The following ABCA2 variants were observed in gnomAD, a reference collection of about 807,000 sequenced individuals.
The protein encoded by ABCA2 is ATP binding cassette subfamily A member 2.
Under a neutral mutation model 262.8 loss-of-function variants are expected in ABCA2, and 84 were observed. The ratio of observed to expected loss-of-function variants is 0.32; its 90% CI spans 0.27 to 0.38. The LOEUF (loss-of-function observed/expected upper bound fraction) is 0.38, where lower values mean the gene tolerates loss of function less well. ABCA2 is among the 10% of genes least tolerant of loss of function. The pLI is 1.00. For synonymous variants in ABCA2, 1,696 were observed against 1,502.9 expected (o/e 1.13, Z -2.97); for missense variants, 2,662 against 3,405.9 (o/e 0.78, Z 5.44).
chr9:137,015,308 G>C, intron 24 of ABCA2, 106 bp downstream of exon 24: 1 of 1,372,078 alleles, frequency 7.3e-7, no homozygotes, highest in South Asian at 1.4e-5. Context: ...GGCATCCTGG[G>C]CCCAGCGGGT....
At chr9:137,015,151 C>A in intron 24 of ABCA2, 54 bp from the exon 25 acceptor site, 9 of 1,517,816 alleles carry the variant, frequency 5.9e-6, no homozygotes, top group Non-Finnish European at 8.0e-6. Context: ...GGAGGAGGGA[C>A]CCCCAATGGG....
At chr9:137,020,164 A>AGG in intron 10 of ABCA2, 172 bp downstream of exon 10, 90 of 837,886 alleles carry the variant, frequency 1.1e-4, no homozygotes, top group Admixed American at 1.8e-4. Flanking sequence ...AGCTCCCGAA[A>AGG]GGAAAAGCGA....
chr9:137,022,246 G>T, intron 6 of ABCA2, 105 bp downstream of exon 6: 2 of 1,443,802 alleles, frequency 1.4e-6, no homozygotes, highest in Non-Finnish European at 1.8e-6. Context: ...GGTTCAGACG[G>T]TCTGGGCGTG....
intron 39 of ABCA2, 69 bp from the exon 40 acceptor site, chr9:137,010,806 G>A (rs1414980131): frequency 1.5e-5 from 23 of 1,507,588 alleles, no homozygotes; most frequent in Middle Eastern, 3.6e-4. Context: ...CACCAGCCTC[G>A]CATCCTCTGG....
At position 137,020,553 on chromosome 9, in the gene ABCA2, G is replaced by A. The variant is rs924572417; in HGVS notation, c.1266-58C>T. 1.9e-6 allele frequency: 3 copies of A among 1,546,032 alleles called. No homozygotes were observed. In the African/African-American group the frequency reaches 4.1e-5, roughly 21 times the overall value. On this transcript the variant is annotated intron_variant, in intron 9 of 48. Transcript: ENST00000341511. ...GTTAGGGGGCAGGGCCGCGAGAGTG[G>A]GAGGGGCATCGGGATGGGGCAGGAC...
rs372637160 is a variant in ABCA2 at position 137,023,854 on chromosome 9, G to A, written c.161-14C>T. 7.5e-4 allele frequency: 634 copies of A among 846,136 alleles called. 1 individual carries two copies. The highest frequency in any genetic ancestry group is 1.1e-3 in the Non-Finnish European group (558 of 489,406). The allele number at this position is 846,136 out of a possible 1,614,324, so 52.4% of individuals were successfully genotyped here. ...CTCACTTACAGACTGCATGCCAGCC[G>A]AGGACAAGAGACCATGCGGGGAGGG... On this transcript the variant is annotated splice_polypyrimidine_tract_variant and intron_variant, in intron 2 of 48. Transcript: ENST00000341511.
At chr9:137,009,217 GCCCCACTGCCCCAGT>G (rs1830943891) in intron 45 of ABCA2, 138 bp downstream of exon 45, 3 of 812,164 alleles carry the variant, frequency 3.7e-6, no homozygotes, top group African/African-American at 1.9e-5. Context: ...TCCTCCCCTG[GCCCCACTGCCCCAGT>G]CCCCCCAGCC....
Position 137,013,464 on chromosome 9 carries a change from T to C in ABCA2, c.4547A>G (p.Tyr1516Cys), listed in dbSNP as rs746722720. Residue 1516 changes from tyrosine to cysteine, a missense_variant, in exon 29 of 49, where the codon TAC (tyrosine) becomes TGC (cysteine). By Grantham distance (194) the Tyr-to-Cys change is radical. Coordinates refer to ENST00000341511, the MANE Select transcript of ABCA2 (RefSeq NM_001606.5). ...CTGCCCCCGCTGGAGGCCTCACCGG[T>C]ACTCGCGGCGCTCCTCGTTGGCGTA... is the stretch of plus-strand genomic sequence containing the variant. ...IPYANEERRE[Y>C]RLRLSPDASP... The C allele has an allele frequency of 1.2e-6, 2 of 1,602,750 alleles. No homozygotes were observed. Among genetic ancestry groups the C allele is most frequent in the African/African-American group, 1.3e-5 (1 of 74,812 alleles).
Position 137,014,995 on chromosome 9 carries a change from A to G in ABCA2, c.3800T>C (p.Leu1267Pro). Residue 1267 changes from leucine to proline, a missense_variant, in exon 25 of 49, where the codon CTG becomes CCG. Leu to Pro is a moderately conservative substitution (Grantham distance 98). Transcript: ENST00000341511. ...GAGCTCCGTGCTTGTGTCTGAGACCAGCAGGCAGGAGGCCACATGCTTGCG... is the reference window on the plus strand; with the variant it reads ...GAGCTCCGTGCTTGTGTCTGAGACCGGCAGGCAGGAGGCCACATGCTTGCG... ...FIRKHVASCLLVSDTSTELSY... is the reference protein window; with the variant it reads ...FIRKHVASCLPVSDTSTELSY... The G allele has an allele frequency of 6.3e-7, 1 of 1,595,316 alleles. No homozygotes were observed. Among genetic ancestry groups the G allele is most frequent in the Non-Finnish European group, 8.5e-7 (1 of 1,170,598 alleles).
rs1831717843 is a variant in ABCA2 at position 137,028,054 on chromosome 9, G to A, written c.66+21C>T. 2 of 981,332 alleles carry A rather than the reference G, an allele frequency of 2.0e-6. No individual in the cohort carries two copies. Among genetic ancestry groups the A allele is most frequent in the Admixed American group, 1.3e-4 (2 of 15,812 alleles). 60.8% of individuals were successfully genotyped at this position (981,332 alleles called of 1,614,324 possible). A position where few individuals can be genotyped will look rare whatever the true frequency, so the allele number is the denominator to read the frequency against. ...GTGCGCGCGGCCTCGGGCTGAGGGC[G>A]GGCGCGTGGGGTGGGCTCACCGGGC... On this transcript the variant is annotated intron_variant, in intron 1 of 48. Coordinates refer to ENST00000341511, the MANE Select transcript of ABCA2 (RefSeq NM_001606.5). The surrounding 1 kb of genome is among the most constrained non-coding windows in gnomAD (Gnocchi z 6.9).
At position 137,018,705 on chromosome 9, in the gene ABCA2, G is replaced by A. The variant is rs1236472386; in HGVS notation, c.1819+14C>T. On this transcript the variant is annotated intron_variant, in intron 13 of 48. Transcript: ENST00000341511. ...TCTGTGGGGGGCTGGGGCGGGGCGG[G>A]GAGGGCAGCTCACTGGCAAAAACAG... 2.0e-6 allele frequency: 3 copies of A among 1,510,552 alleles called. No homozygotes were observed. Among genetic ancestry groups the A allele is most frequent in the African/African-American group, 2.8e-5 (2 of 70,630 alleles). The allele number at this position is 1,510,552 out of a possible 1,614,324, so 93.6% of individuals were successfully genotyped here. A position where few individuals can be genotyped will look rare whatever the true frequency, so the allele number is the denominator to read the frequency against.
At chr9:137,026,280 T>C (rs1181325778) in intron 1 of ABCA2, among the ~76,000 whole-genome samples, 1 of 152,152 alleles carries the variant, frequency 6.6e-6, no homozygotes, top group Admixed American at 6.5e-5. Context: ...GACCCTGAGC[T>C]CTGCCCAGGG....
chr9:137,014,010 G>C lies in ABCA2; in HGVS notation c.4269C>G (p.Val1423=). 1.2e-6 allele frequency: 2 copies of C among 1,611,612 alleles called. No homozygotes were observed. The highest frequency in any genetic ancestry group is 1.7e-6 in the Non-Finnish European group (2 of 1,179,840). ...CGTCCAGCTTGCGGCTGCCCTGGCC[G>C]ACCCTCGACAGGGCCTCTGCCTCCA... ...QEVEAEALSR[V]GQGSRKLDGG... Residue 1423 remains valine (V), a synonymous_variant, in exon 28 of 49, where the codon GTC becomes GTG. Coordinates refer to ENST00000341511, the MANE Select transcript of ABCA2 (RefSeq NM_001606.5).
At chr9:137,016,264 C>G in intron 21 of ABCA2, 27 bp downstream of exon 21, 1 of 1,611,850 alleles carries the variant, frequency 6.2e-7, no homozygotes, top group Non-Finnish European at 8.5e-7. Flanking sequence ...CAGCAGATGC[C>G]CACCGCCCTG....
rs922168229 is a variant in ABCA2 at position 137,021,174 on chromosome 9, G to A, written c.898-113C>T. On this transcript the variant is annotated intron_variant, in intron 8 of 48. Coordinates refer to ENST00000341511, the MANE Select transcript of ABCA2 (RefSeq NM_001606.5). This position sits in a 1 kb window ranked among gnomAD's most constrained non-coding sequence, Gnocchi z 6.0. Reference sequence around the variant, plus strand: ...AGGGAGACACAAGCTAGGGGTGCTGGGAGGGAGTCTGCAGCCTGGGTAACG... The same window carrying A: ...AGGGAGACACAAGCTAGGGGTGCTGAGAGGGAGTCTGCAGCCTGGGTAACG... 28 of 1,403,274 alleles carry A rather than the reference G, an allele frequency of 2.0e-5. No individual in the cohort carries two copies. The highest frequency in any genetic ancestry group is 2.8e-5 in the Admixed American group (1 of 35,576). The allele number at this position is 1,403,274 out of a possible 1,614,324, so 86.9% of individuals were successfully genotyped here. A position where few individuals can be genotyped will look rare whatever the true frequency, so the allele number is the denominator to read the frequency against.
At chr9:137,010,791 C>T (rs1831010045) in intron 39 of ABCA2, 54 bp from the exon 40 acceptor site, 1 of 1,559,100 alleles carries the variant, frequency 6.4e-7, no homozygotes, top group Admixed American at 1.7e-5. Context: ...ACTGCCCCTC[C>T]CTGCCACCAG....
At chr9:137,013,367 C>T in intron 29 of ABCA2, 49 bp from the exon 30 acceptor site, 1 of 1,527,286 alleles carries the variant, frequency 6.5e-7, no homozygotes, top group Non-Finnish European at 8.8e-7. Flanking sequence ...CCGCCCCTCG[C>T]CAGCCCCGCC....
rs765822195 is a variant in ABCA2 at position 137,008,946 on chromosome 9, C to T, written c.6930+5G>A. ...CCCTCCACAACCCTGCCCGGGACGG[C>T]GCACCTTGAGCATGGCTTCCGGGAA... On this transcript the variant is annotated splice_donor_5th_base_variant and intron_variant, in intron 46 of 48. Transcript: ENST00000341511. 7.3e-6 allele frequency: 11 copies of T among 1,502,736 alleles called. No homozygotes were observed. In the East Asian group the frequency reaches 2.0e-4, roughly 28 times the overall value. 93.1% of individuals were successfully genotyped at this position (1,502,736 alleles called of 1,614,324 possible).
At position 137,024,176 on chromosome 9, in the gene ABCA2, G is replaced by A. The variant is rs767208385; in HGVS notation, c.127C>T (p.Arg43Ter). The A allele has an allele frequency of 1.2e-6, 2 of 1,611,576 alleles. No individual in the cohort carries two copies. The highest frequency in any genetic ancestry group is 1.7e-6 in the Non-Finnish European group (2 of 1,179,278). ...ACGGAGATGGTGGGCTTCTTCTGTC[G>A]CAGCCCCAGCAGGATAAAGAACAGC... Reference protein sequence around the residue: ...LVLFFILLGLRQKKPTISVKE... With the variant: ...LVLFFILLGL The change falls in exon 2 of 49, where the codon CGA (arginine) becomes TGA (stop). Residue 43 changes from arginine to a stop codon, truncating the protein, a stop_gained. Coordinates refer to ENST00000341511, the MANE Select transcript of ABCA2 (RefSeq NM_001606.5). LOFTEE classifies it high-confidence loss of function.
Sources: allele counts gnomAD v4.1 joint callset (sites outside exome capture counted in the v4.1 genomes callset), GRCh38; gene constraint gnomAD v4.1.1; non-coding constraint Gnocchi (gnomAD v3.1); transcripts MANE v1.5; gene names NCBI Gene and HGNC (gene_info 2026-07-23, HGNC 2026-07-21).